Variants in GPC5 observed in about 807,000 individuals in gnomAD.
GPC5 encodes the protein glypican-5.
A neutral mutation model predicts 53.9 loss-of-function variants in GPC5; 47 were observed. The observed-to-expected ratio is 0.87, with a 90% CI of 0.69 to 1.11. The LOEUF (loss-of-function observed/expected upper bound fraction) is 1.11, where lower values mean the gene tolerates loss of function less well. Among genes scored for constraint, GPC5 ranks in the 50% most tolerant of loss-of-function variants. The probability of loss-of-function intolerance (pLI) is 0.00; values close to 1 mark genes in which losing one functional copy is unlikely to be tolerated. For missense variants in GPC5, 748 were observed against 713.1 expected (o/e 1.05, Z -0.56); for synonymous variants, 286 against 263.3 (o/e 1.09, Z -0.84).
At chr13:92,029,896 C>A (rs1481056838) in intron 6 of GPC5, among the ~76,000 whole-genome samples, 2 of 152,088 alleles carry the variant, frequency 1.3e-5, no homozygotes, top group East Asian at 1.9e-4. Context: ...CTCAGACACC[C>A]TAATACAGCC....
chr13:91,969,751 G>T (rs976157544), intron 6 of GPC5, among the ~76,000 whole-genome samples: 2 of 152,054 alleles, frequency 1.3e-5, no homozygotes, highest in Non-Finnish European at 2.9e-5. Flanking sequence ...TAGCCAACAC[G>T]TTTATGAAAA....
intron 7 of GPC5, among the ~76,000 whole-genome samples, chr13:92,606,251 C>A (rs61975866): frequency 6.6e-6 from 1 of 152,006 alleles, no homozygotes. Context: ...CCCAACTCCA[C>A]GACAGGCCCC....
chr13:91,831,028 A>G (rs1448375808), intron 5 of GPC5, among the ~76,000 whole-genome samples: 1 of 138,114 alleles, frequency 7.2e-6, no homozygotes, highest in African/African-American at 2.7e-5. Flanking sequence ...TAACATATAT[A>G]TCCTATTATA....
Position 92,849,906 on chromosome 13 carries a change from G to A in GPC5, c.1562-16376G>A, listed in dbSNP as rs188486923. 1.1e-4 allele frequency among the ~76,000 whole-genome samples: 17 copies of A among 152,206 alleles called. No homozygotes were observed. In the East Asian group the frequency reaches 1.2e-3, roughly 10 times the overall value. On this transcript the variant is annotated intron_variant, in intron 7 of 7. Coordinates refer to ENST00000377067, the MANE Select transcript of GPC5 (RefSeq NM_004466.6). The stretch of plus-strand genomic sequence containing the variant: ...CAAGAATAATTAGTATCTACAGCAG[G>A]GATGCTGACCAATTAGAACAGACAC...
At chr13:91,763,966 A>G (rs2037470504) in intron 5 of GPC5, among the ~76,000 whole-genome samples, 1 of 152,216 alleles carries the variant, frequency 6.6e-6, no homozygotes, top group Admixed American at 6.5e-5. Flanking sequence ...ATAGTACCTA[A>G]TACAATGTAA....
In GPC5 at chr13:91,652,225, A is replaced by G. The variant is rs141870500; in HGVS notation, c.326-40962A>G. 1.7e-3 allele frequency among the ~76,000 whole-genome samples: 252 copies of G among 152,302 alleles called. 3 individuals are homozygous for G. The highest frequency in any genetic ancestry group is 5.7e-3 in the African/African-American group (237 of 41,564). ...TCTTTTCCATCTTAAATAAGCGTTCACCATGCTCTGTGGCTATACCTTTTG... is the reference window on the plus strand; with the variant it reads ...TCTTTTCCATCTTAAATAAGCGTTCGCCATGCTCTGTGGCTATACCTTTTG... On this transcript the variant is annotated intron_variant, in intron 2 of 7. Transcript: ENST00000377067.
chr13:92,253,950 G>A (rs977820861), intron 7 of GPC5, among the ~76,000 whole-genome samples: 1 of 151,962 alleles, frequency 6.6e-6, no homozygotes, highest in African/African-American at 2.4e-5. Context: ...GAACCACAAC[G>A]GGTTCTATAG....
At chr13:91,496,614 G>T (rs1884280176) in intron 2 of GPC5, among the ~76,000 whole-genome samples, 1 of 152,136 alleles carries the variant, frequency 6.6e-6, no homozygotes, top group Non-Finnish European at 1.5e-5. Context: ...AAAAAGGATG[G>T]TTACCAGAGG....
intron 2 of GPC5, among the ~76,000 whole-genome samples, chr13:91,647,070 CGTGTGTGTGTGTGTGTGTGTGTGTGTGT>C (rs66824666): frequency 6.9e-6 from 1 of 144,030 alleles, no homozygotes; most frequent in East Asian, 2.0e-4. Flanking sequence ...TATATATATG[CGTGTGTGTGTGTGTGTGTGTGTGTGTGT>C]GTGTGTGTGT....
At chr13:92,355,844 T>C (rs755560085) in intron 7 of GPC5, among the ~76,000 whole-genome samples, 15 of 152,092 alleles carry the variant, frequency 9.9e-5, no homozygotes, top group Non-Finnish European at 2.1e-4. Context: ...GAAACTATTA[T>C]TTGATTCCTC....
At chr13:91,480,126 T>A (rs1489265114) in intron 2 of GPC5, among the ~76,000 whole-genome samples, 1 of 152,196 alleles carries the variant, frequency 6.6e-6, no homozygotes, top group African/African-American at 2.4e-5. Context: ...TCATTGGAAA[T>A]TTTTGAATAC....
intron 7 of GPC5, among the ~76,000 whole-genome samples, chr13:92,590,220 A>T (rs1883670867): frequency 6.6e-6 from 1 of 152,144 alleles, no homozygotes; most frequent in African/African-American, 2.4e-5. Flanking sequence ...GGAATCTGAA[A>T]TACAGAAAGC....
chr13:91,410,631 C>T (rs946352077), intron 1 of GPC5, among the ~76,000 whole-genome samples: 1 of 152,010 alleles, frequency 6.6e-6, no homozygotes, highest in Admixed American at 6.6e-5. Flanking sequence ...CAGGCGTGAG[C>T]CACTACGCCC....
chr13:92,174,375 A>AC (rs1433115936), intron 7 of GPC5, among the ~76,000 whole-genome samples: 47 of 148,884 alleles, frequency 3.2e-4, no homozygotes, highest in African/African-American at 1.1e-3. Context: ...CAAAAAAAAA[A>AC]ACAAAAAAAA....
rs60533993 is a variant in GPC5, at chr13:91,398,671, C to CGGCGGCAGT, written c.-349_-341dup. 523 of 153,560 alleles carry CGGCGGCAGT rather than the reference C, an allele frequency of 3.4e-3. 4 individuals are homozygous for CGGCGGCAGT. Among genetic ancestry groups the CGGCGGCAGT allele is most frequent in the African/African-American group, 0.011 (445 of 39,308 alleles). The allele number at this position is 153,560 out of a possible 1,614,324, so 9.5% of individuals were successfully genotyped here. On this transcript the variant is annotated 5_prime_UTR_variant, in exon 1 of 8. Coordinates refer to ENST00000377067, the MANE Select transcript of GPC5 (RefSeq NM_004466.6). The stretch of plus-strand genomic sequence containing the variant: ...AGCCGGGCGGCGGAGGCGGCGGCGG[C>CGGCGGCAGT]GGCGGCAGTGGCGGCAGTGGCGGCA...
At chr13:92,694,821 G>A (rs9561113) in intron 7 of GPC5, among the ~76,000 whole-genome samples, 2 of 152,056 alleles carry the variant, frequency 1.3e-5, no homozygotes, top group African/African-American at 2.4e-5. Context: ...TCAGAGGGGG[G>A]CATGGGCAGA....
chr13:91,943,796 A>C (rs2039949662), intron 6 of GPC5, among the ~76,000 whole-genome samples: 1 of 152,158 alleles, frequency 6.6e-6, no homozygotes. Context: ...TAGAGATGTA[A>C]CATTGTTAAA....
chr13:92,427,588 C>A (rs1475237157), intron 7 of GPC5, among the ~76,000 whole-genome samples: 1 of 151,818 alleles, frequency 6.6e-6, no homozygotes, highest in Admixed American at 6.6e-5. Flanking sequence ...CGGGATTAAA[C>A]TTCTTGTATT....
At chr13:92,789,112 C>G (rs1432454288) in intron 7 of GPC5, among the ~76,000 whole-genome samples, 1 of 152,116 alleles carries the variant, frequency 6.6e-6, no homozygotes, top group Non-Finnish European at 1.5e-5. Context: ...ACTCCTGTAC[C>G]TTTTCCATGT....
Sources: gnomAD v4.1 joint callset for allele counts (sites outside exome capture counted in the v4.1 genomes callset) on GRCh38, gnomAD v4.1.1 for gene constraint, MANE v1.5 for transcripts, NCBI Gene and HGNC (gene_info 2026-07-23, HGNC 2026-07-21) for gene names.